The following ADD3 variants were observed in gnomAD, a reference collection of about 807,000 sequenced individuals.
ADD3 encodes adducin 3.
A neutral mutation model predicts 80.2 loss-of-function variants in ADD3; 25 were observed. The ratio of observed to expected loss-of-function variants is 0.31; its 90% CI spans 0.23 to 0.44. ADD3 has a LOEUF of 0.44. Ranked by LOEUF, ADD3 falls within the 20% of genes least tolerant of loss-of-function variation. The probability of loss-of-function intolerance (pLI) is 1.00; values close to 1 mark genes in which losing one functional copy is unlikely to be tolerated. For synonymous variants in ADD3, 284 were observed against 289.6 expected (o/e 0.98, Z 0.20); for missense variants, 829 against 847.5 (o/e 0.98, Z 0.27).
chr10:110,094,329 A>G (rs1313977065), intron 1 of ADD3, among the ~76,000 whole-genome samples: 1 of 152,214 alleles, frequency 6.6e-6, no homozygotes, highest in Non-Finnish European at 1.5e-5. Flanking sequence ...ATAATATGAT[A>G]TTTGAGCAAT....
chr10:110,070,622 T>TGTTTTC (rs1844556937), intron 1 of ADD3, among the ~76,000 whole-genome samples: 1 of 152,208 alleles, frequency 6.6e-6, no homozygotes, highest in Admixed American at 6.5e-5. Flanking sequence ...GTTTTGTTTT[T>TGTTTTC]GTTTTCGTTA....
rs998284966 is a variant in ADD3, at chr10:110,099,749, T to C, written c.-29-876T>C. ...TGCATAAGATTTTTAAAACTAGAAT[T>C]CTGTATATACATGATACCTTGTTTC... On this transcript the variant is annotated intron_variant, in intron 1 of 14. Transcript: ENST00000356080. Among the ~76,000 whole-genome samples, 5 of 152,340 alleles carry C rather than the reference T, an allele frequency of 3.3e-5. No individual in the cohort carries two copies. In the South Asian group the frequency reaches 1.0e-3, roughly 32 times the overall value.
chr10:110,055,793 T>C (rs1413628127), intron 1 of ADD3, among the ~76,000 whole-genome samples: 1 of 152,188 alleles, frequency 6.6e-6, no homozygotes, highest in Non-Finnish European at 1.5e-5. Context: ...TAAAATGAAA[T>C]GAAGGATGTA....
chr10:110,063,207 G>A (rs1843419137), intron 1 of ADD3, among the ~76,000 whole-genome samples: 1 of 152,158 alleles, frequency 6.6e-6, no homozygotes, highest in African/African-American at 2.4e-5. Flanking sequence ...GGGAGAAGCT[G>A]TTGAATTCAG....
chr10:110,130,832 G>T (rs539490974), intron 13 of ADD3, among the ~76,000 whole-genome samples: 2 of 151,396 alleles, frequency 1.3e-5, no homozygotes, highest in East Asian at 3.9e-4. Flanking sequence ...CTGCAGCCTG[G>T]GCGACAGAGA....
chr10:110,080,517 C>T (rs1845946390), intron 1 of ADD3, among the ~76,000 whole-genome samples: 1 of 152,136 alleles, frequency 6.6e-6, no homozygotes, highest in Admixed American at 6.5e-5. Flanking sequence ...GAATATCATT[C>T]TATATTTTAC....
At chr10:110,043,308 C>A (rs148496852) in intron 1 of ADD3, among the ~76,000 whole-genome samples, 1 of 152,160 alleles carries the variant, frequency 6.6e-6, no homozygotes, top group African/African-American at 2.4e-5. Context: ...GACCTCCTCC[C>A]AGGTTTCTTT....
rs1853314536 is a variant in ADD3, at chr10:110,133,437, G to A, written c.1940G>A (p.Ser647Asn). ...DVEDELAKRV[S>N]RLSTSTTIEN... ...GAAGATGAGCTTGCTAAGCGAGTGA[G>A]TAGGTTAAGCACAAGTACAACCATA... Residue 647 changes from serine to asparagine, a missense_variant, in exon 15 of 15, where the codon AGT becomes AAT. Transcript: ENST00000356080. 26 of 1,613,852 alleles carry A rather than the reference G, an allele frequency of 1.6e-5. No individual in the cohort carries two copies. The highest frequency in any genetic ancestry group is 2.1e-5 in the Non-Finnish European group (25 of 1,179,834).
upstream of ADD3, among the ~76,000 whole-genome samples, chr10:110,001,553 CTCA>C (rs1473436075): frequency 2.0e-5 from 3 of 152,168 alleles, no homozygotes; most frequent in Non-Finnish European, 4.4e-5. Flanking sequence ...CCGCATTTCA[CTCA>C]TGTCTGAGAT....
chr10:110,056,664 G>A (rs536542265), intron 1 of ADD3, among the ~76,000 whole-genome samples: 1 of 152,258 alleles, frequency 6.6e-6, no homozygotes, highest in South Asian at 2.1e-4. Context: ...TGCTCTAAGA[G>A]TTAATAAAAG....
intron 2 of ADD3, among the ~76,000 whole-genome samples, chr10:110,105,388 A>G (rs1317939221): frequency 6.6e-6 from 1 of 152,226 alleles, no homozygotes; most frequent in Non-Finnish European, 1.5e-5. Flanking sequence ...AGAAGCATAT[A>G]AATTGAAAAA....
At chr10:110,035,827 CCTGT>C (rs1307310050) in intron 1 of ADD3, among the ~76,000 whole-genome samples, 1 of 152,048 alleles carries the variant, frequency 6.6e-6, no homozygotes, top group Non-Finnish European at 1.5e-5. Context: ...TTTCTCTTTT[CCTGT>C]CTCTTATGCC....
In ADD3 at chr10:110,118,589, G is replaced by A; in HGVS notation, c.570G>A (p.Val190=). 6.2e-7 allele frequency: 1 copy of A among 1,613,676 alleles called. No individual in the cohort carries two copies. The highest frequency in any genetic ancestry group is 8.5e-7 in the Non-Finnish European group (1 of 1,179,654). The change falls in exon 6 of 15, where the codon GTG becomes GTA. Residue 190 remains valine, a splice_region_variant and synonymous_variant. Coordinates refer to ENST00000356080, the MANE Select transcript of ADD3 (RefSeq NM_016824.5). ...SFSEATASNL[V]KVNIIGEVVD... ...TATGTCCTTCTGATTTTTTCCAGGT[G>A]AAAGTCAATATAATAGGAGAAGTGG...
At chr10:110,125,310 A>G (rs1852002282) in intron 10 of ADD3, among the ~76,000 whole-genome samples, 1 of 152,264 alleles carries the variant, frequency 6.6e-6, no homozygotes, top group Non-Finnish European at 1.5e-5. Context: ...CCGTGGTTCT[A>G]TTTTGCTATT....
intron 1 of ADD3, among the ~76,000 whole-genome samples, chr10:110,061,915 A>AT (rs928016616): frequency 2.6e-5 from 4 of 152,026 alleles, no homozygotes; most frequent in African/African-American, 9.7e-5. Flanking sequence ...TGACTACTAG[A>AT]TTTTTACTGT....
intron 8 of ADD3, among the ~76,000 whole-genome samples, chr10:110,121,425 G>A (rs1412873513): frequency 1.3e-5 from 2 of 152,228 alleles, no homozygotes; most frequent in Admixed American, 6.5e-5. Context: ...GAAGTTTGCA[G>A]TGAGCCGATA....
chr10:110,006,978 G>T (rs1262319744), upstream of ADD3, among the ~76,000 whole-genome samples: 1 of 152,096 alleles, frequency 6.6e-6, no homozygotes, highest in Non-Finnish European at 1.5e-5. Flanking sequence ...GTGCAGGAGG[G>T]ACGTGGAAGT....
intron 10 of ADD3, among the ~76,000 whole-genome samples, chr10:110,124,701 G>T (rs1441199573): frequency 6.6e-6 from 1 of 152,132 alleles, no homozygotes; most frequent in Admixed American, 6.5e-5. Flanking sequence ...TACCAAAGCT[G>T]CATGAATCAC....
chr10:110,033,652 A>G (rs950692702), intron 1 of ADD3, among the ~76,000 whole-genome samples: 6 of 152,206 alleles, frequency 3.9e-5, no homozygotes, highest in Non-Finnish European at 7.3e-5. Context: ...GTTAATTTTT[A>G]ATTTAAAAAT....
Sources: allele counts gnomAD v4.1 joint callset (sites outside exome capture counted in the v4.1 genomes callset), GRCh38; gene constraint gnomAD v4.1.1; transcripts MANE v1.5; gene names NCBI Gene and HGNC (gene_info 2026-07-23, HGNC 2026-07-21).